Variants in ME3 observed in about 807,000 individuals in gnomAD.
ME3 encodes NADP-dependent malic enzyme, mitochondrial.
In ME3, 48 loss-of-function variants were observed where a neutral mutation model predicts 68.9. That is an observed-to-expected ratio of 0.70 (90% confidence interval 0.55 to 0.89). The LOEUF (loss-of-function observed/expected upper bound fraction) is 0.89. Ranked by LOEUF, ME3 falls within the 40% of genes least tolerant of loss-of-function variation. ME3 has a pLI of 0.00. For synonymous variants in ME3, 320 were observed against 318.8 expected (o/e 1.00, Z -0.04); for missense variants, 675 against 797.4 (o/e 0.85, Z 1.85).
intron 4 of ME3, among the ~76,000 whole-genome samples, chr11:86,519,956 G>C (rs1441465311): frequency 1.3e-5 from 2 of 152,202 alleles, no homozygotes; most frequent in African/African-American, 4.8e-5. Context: ...ACAGACAACT[G>C]AACATGTTAG....
intron 7 of ME3, among the ~76,000 whole-genome samples, chr11:86,476,130 C>T (rs1237562400): frequency 6.6e-6 from 1 of 152,290 alleles, no homozygotes. Context: ...CTTGGAGCTA[C>T]AGAACCTCAG....
chr11:86,647,229 A>T (rs1010974167), intron 2 of ME3, among the ~76,000 whole-genome samples: 1 of 152,236 alleles, frequency 6.6e-6, no homozygotes, highest in African/African-American at 2.4e-5. Flanking sequence ...AATGGACTAA[A>T]TGCCCCAATT....
At chr11:86,592,227 G>A (rs1959104040) in intron 2 of ME3, among the ~76,000 whole-genome samples, 1 of 152,180 alleles carries the variant, frequency 6.6e-6, no homozygotes, top group South Asian at 2.1e-4. Context: ...ACTTGAACAA[G>A]AATGTCCCTG....
intron 7 of ME3, 114 bp downstream of exon 7, chr11:86,487,223 G>C: frequency 1.2e-6 from 1 of 821,902 alleles, no homozygotes; most frequent in Non-Finnish European, 2.0e-6. Context: ...CAGAATACCT[G>C]GAAAAGCATG....
intron 2 of ME3, among the ~76,000 whole-genome samples, chr11:86,642,264 A>G (rs1594759496): frequency 6.6e-6 from 1 of 152,338 alleles, no homozygotes; most frequent in African/African-American, 2.4e-5. Flanking sequence ...TGGGACTAAG[A>G]AAAAGAAGGA....
intron 6 of ME3, among the ~76,000 whole-genome samples, chr11:86,492,127 C>T (rs1952044725): frequency 6.6e-6 from 1 of 152,210 alleles, no homozygotes; most frequent in South Asian, 2.1e-4. Context: ...ACTTGACTAG[C>T]TCTGTGGCTT....
At chr11:86,537,987 G>C (rs977063505) in intron 4 of ME3, among the ~76,000 whole-genome samples, 1 of 152,160 alleles carries the variant, frequency 6.6e-6, no homozygotes, top group African/African-American at 2.4e-5. Flanking sequence ...TTCTTGCTGA[G>C]GCTCTTTAAC....
chr11:86,541,715 C>T (rs1049458103), intron 4 of ME3, among the ~76,000 whole-genome samples: 5 of 152,196 alleles, frequency 3.3e-5, no homozygotes, highest in African/African-American at 1.2e-4. Flanking sequence ...CAGCTTTGGG[C>T]ATAGCTTCAG....
intron 2 of ME3, among the ~76,000 whole-genome samples, chr11:86,664,575 C>T (rs1946477597): frequency 6.6e-6 from 1 of 152,098 alleles, no homozygotes. Context: ...ATTTTCAGAC[C>T]CTTGGGAGCA....
chr11:86,558,887 C>G (rs1957061618), intron 3 of ME3, among the ~76,000 whole-genome samples: 1 of 152,122 alleles, frequency 6.6e-6, no homozygotes, highest in African/African-American at 2.4e-5. Context: ...GGCTAAGTAA[C>G]TTTTGCCATT....
intron 2 of ME3, among the ~76,000 whole-genome samples, chr11:86,664,816 A>G (rs1946492026): frequency 6.6e-6 from 1 of 152,136 alleles, no homozygotes; most frequent in African/African-American, 2.4e-5. Context: ...GTTCCAAGGC[A>G]CCACCTGTGT....
chr11:86,610,843 C>T (rs1942517820), intron 2 of ME3, among the ~76,000 whole-genome samples: 1 of 152,152 alleles, frequency 6.6e-6, no homozygotes, highest in African/African-American at 2.4e-5. Context: ...TGGCTGACAA[C>T]AAATAGGTGA....
At chr11:86,545,362 T>A (rs582886) in intron 4 of ME3, among the ~76,000 whole-genome samples, 150,759 of 152,338 alleles carry the variant, frequency 0.99, 74,677 homozygotes, top group Middle Eastern at 1. Flanking sequence ...TCAAATAGGA[T>A]GAGAGGAAGT....
At chr11:86,462,548 C>G (rs766792180) in intron 8 of ME3, 40 of 1,230,680 alleles carry the variant, frequency 3.3e-5, no homozygotes, top group Non-Finnish European at 4.1e-5. Flanking sequence ...GGCAGGTGTC[C>G]AGTGTAGACA....
intron 7 of ME3, among the ~76,000 whole-genome samples, chr11:86,477,944 A>G (rs560545026): frequency 6.6e-6 from 1 of 152,284 alleles, no homozygotes; most frequent in South Asian, 2.1e-4. Flanking sequence ...TGGACTGTCA[A>G]CAATGAGCCA....
intron 2 of ME3, among the ~76,000 whole-genome samples, chr11:86,587,309 A>G (rs755238287): frequency 1.3e-5 from 2 of 152,184 alleles, no homozygotes; most frequent in East Asian, 3.9e-4. Flanking sequence ...CCCTGAGACC[A>G]TTTTCATCAG....
chr11:86,467,715 C>CTG lies in ME3; in HGVS notation c.810-2516_810-2515insCA, dbSNP rs1950563554. ...CTCTCACACACACACACACACACCCCTTTAAGCAACACCACCATTCATTCA... is the reference window on the plus strand; with the variant it reads ...CTCTCACACACACACACACACACCCCTGTTTAAGCAACACCACCATTCATTCA... On this transcript the variant is annotated intron_variant, in intron 7 of 14. Transcript: ENST00000543262. Among the ~76,000 whole-genome samples, 4 of 151,212 alleles carry CTG rather than the reference C, an allele frequency of 2.6e-5. No individual in the cohort carries two copies. In the South Asian group the frequency reaches 8.5e-4, roughly 32 times the overall value.
chr11:86,496,003 C>T lies in ME3; in HGVS notation c.705+1960G>A, dbSNP rs146708946. 2.8e-3 allele frequency among the ~76,000 whole-genome samples: 425 copies of T among 152,290 alleles called. 2 individuals carry two copies. In the Middle Eastern group the frequency reaches 0.034, roughly 12 times the overall value. ...CATTCCCACCCCCAGGATTTCCCAG[C>T]TGTTAAGCAAGGTCTGCCCACCGTT... On this transcript the variant is annotated intron_variant, in intron 6 of 14. Transcript: ENST00000543262.
chr11:86,453,406 C>T (rs79851173), intron 8 of ME3, among the ~76,000 whole-genome samples: 4,219 of 152,212 alleles, frequency 0.028, 198 homozygotes, highest in African/African-American at 0.095. Context: ...TGTTTATTAG[C>T]TTCTTTACAC....
Sources: allele counts gnomAD v4.1 joint callset (sites outside exome capture counted in the v4.1 genomes callset), GRCh38; gene constraint gnomAD v4.1.1; transcripts MANE v1.5; gene names NCBI Gene and HGNC (gene_info 2026-07-23, HGNC 2026-07-21).